Variants in TAB2 observed in about 807,000 individuals in gnomAD.
TAB2 encodes TGF-beta-activated kinase 1 and MAP3K7-binding protein 2.
In TAB2, 3 loss-of-function variants were observed where a neutral mutation model predicts 65.0. That is an observed-to-expected ratio of 0.05 (90% CI 0.02 to 0.12). TAB2 has a LOEUF of 0.12. Ranked by LOEUF, TAB2 falls within the 10% of genes least tolerant of loss-of-function variation. TAB2 has a pLI of 1.00. For synonymous variants in TAB2, 298 were observed against 285.1 expected (o/e 1.05, Z -0.46); for missense variants, 623 against 840.3 (o/e 0.74, Z 3.20).
At chr6:149,368,386 G>A (rs1781107042) in intron 1 of TAB2, among the ~76,000 whole-genome samples, 1 of 152,022 alleles carries the variant, frequency 6.6e-6, no homozygotes, top group African/African-American at 2.4e-5. Context: ...CCTGAGTGGG[G>A]TAGGTTAAAA....
At chr6:149,341,478 T>C (rs533077968) in intron 1 of TAB2, among the ~76,000 whole-genome samples, 1 of 152,322 alleles carries the variant, frequency 6.6e-6, no homozygotes, top group South Asian at 2.1e-4. Flanking sequence ...ATTGAATGCC[T>C]ATATGTGCCA....
chr6:149,282,656 G>A (rs1778594950), intron 1 of TAB2, among the ~76,000 whole-genome samples: 2 of 152,220 alleles, frequency 1.3e-5, no homozygotes, highest in South Asian at 4.1e-4. Context: ...AATAATTAAA[G>A]GAAGAGATGT....
chr6:149,248,428 A>AAGGAAGGAAGGAAGGAAGG lies in TAB2; in HGVS notation c.-121+29653_-121+29654insGGAAGGAAGGAAGGAAGGA, dbSNP rs59251653. ...GACAGAGAGGGAAAGAAAAAGAAAG[A>AAGGAAGGAAGGAAGGAAGG]AAGGAAGGAAGGAAGGAAGGAAGAA... On this transcript the variant is annotated intron_variant, in intron 1 of 1. Transcript: ENST00000606202. Among the ~76,000 whole-genome samples, 714 of 117,278 alleles carry AAGGAAGGAAGGAAGGAAGG rather than the reference A, an allele frequency of 6.1e-3. 6 individuals are homozygous for AAGGAAGGAAGGAAGGAAGG. The highest frequency in any genetic ancestry group is 6.8e-3 in the Non-Finnish European group (410 of 60,236). 76.9% of individuals were successfully genotyped at this position (117,278 alleles called of 152,430 possible).
At chr6:149,317,542 G>T (rs1366436760), upstream of TAB2, 9 of 155,722 alleles carry the variant, frequency 5.8e-5, no homozygotes, top group Non-Finnish European at 1.4e-5. The surrounding 1 kb of genome is among the most constrained non-coding windows in gnomAD (Gnocchi z 4.7). Context: ...CCGCCATATT[G>T]TGTGACAGTA....
Position 149,369,905 on chromosome 6 carries a change from A to G in TAB2, c.-89-4A>G, listed in dbSNP as rs1400105092. On this transcript the variant is annotated splice_region_variant and splice_polypyrimidine_tract_variant and intron_variant, in intron 1 of 6. Coordinates refer to ENST00000637181, the MANE Select transcript of TAB2 (RefSeq NM_001292034.3). Reference sequence around the variant, plus strand: ...CATTAAAATTTTTTTTCTTTCTTTCACAGAAAATGCTTGGACAGAAGAGAT... The same window carrying G: ...CATTAAAATTTTTTTTCTTTCTTTCGCAGAAAATGCTTGGACAGAAGAGAT... 1 of 1,146,774 alleles carries G rather than the reference A, an allele frequency of 8.7e-7. No homozygotes were observed. The highest frequency in any genetic ancestry group is 1.3e-6 in the Non-Finnish European group (1 of 766,222). 71.0% of individuals were successfully genotyped at this position (1,146,774 alleles called of 1,614,324 possible). A position where few individuals can be genotyped will look rare whatever the true frequency, so the allele number is the denominator to read the frequency against.
chr6:149,314,275 A>T (rs1224647137), upstream of TAB2, among the ~76,000 whole-genome samples: 2 of 152,212 alleles, frequency 1.3e-5, no homozygotes, highest in East Asian at 3.9e-4. Context: ...CTGCTAGATT[A>T]TCCTTCCTAA....
At chr6:149,279,552 T>C (rs1188923959) in intron 1 of TAB2, among the ~76,000 whole-genome samples, 1 of 152,072 alleles carries the variant, frequency 6.6e-6, no homozygotes, top group Non-Finnish European at 1.5e-5. Flanking sequence ...TTGGAGGAGG[T>C]GCTCCCGGCA....
intron 1 of TAB2, among the ~76,000 whole-genome samples, chr6:149,273,802 C>T (rs910192940): frequency 7.2e-5 from 11 of 152,178 alleles, no homozygotes; most frequent in African/African-American, 2.2e-4. Flanking sequence ...ACACACCTTC[C>T]GTGTTCAATG....
upstream of TAB2, among the ~76,000 whole-genome samples, chr6:149,316,121 T>C (rs1406043409): frequency 6.7e-6 from 1 of 149,210 alleles, no homozygotes; most frequent in African/African-American, 2.6e-5. Flanking sequence ...CTGTAAAGCG[T>C]TAAAGTTAAT....
intron 1 of TAB2, among the ~76,000 whole-genome samples, chr6:149,325,598 A>T (rs189427934): frequency 1.3e-3 from 195 of 152,316 alleles, no homozygotes; most frequent in Non-Finnish European, 2.2e-3. Flanking sequence ...TTAGTCCACA[A>T]ATCTATAATA....
Position 149,219,698 on chromosome 6 carries a change from G to A in TAB2, c.-121+922G>A, listed in dbSNP as rs73602087. ...CCGCTGCACCTTATGCATTGATGTG[G>A]TATCCTAGAAACAGTTTACTCTTGT... On this transcript the variant is annotated intron_variant, in intron 1 of 1. Coordinates refer to the TAB2 transcript ENST00000606202. 9.4e-3 allele frequency among the ~76,000 whole-genome samples: 1,432 copies of A among 152,206 alleles called. 27 individuals carry two copies. The highest frequency in any genetic ancestry group is 0.033 in the African/African-American group (1,380 of 41,516).
At chr6:149,299,545 C>A (rs1416889381) in intron 1 of TAB2, among the ~76,000 whole-genome samples, 1 of 152,138 alleles carries the variant, frequency 6.6e-6, no homozygotes, top group African/African-American at 2.4e-5. Context: ...GCACTCCAGC[C>A]TGAGTGACAG....
At chr6:149,310,160 C>T (rs2114711318) in intron 1 of TAB2, among the ~76,000 whole-genome samples, 1 of 152,004 alleles carries the variant, frequency 6.6e-6, no homozygotes, top group African/African-American at 2.4e-5. Context: ...ATGGTGAAAC[C>T]CCATCTCTAC....
intron 1 of TAB2, among the ~76,000 whole-genome samples, chr6:149,350,895 T>A (rs1394728326): frequency 2.0e-5 from 3 of 152,192 alleles, no homozygotes; most frequent in Admixed American, 6.5e-5. Context: ...TTATTAGCAT[T>A]AGCGTATCTC....
rs1378931054 is a variant in TAB2 at position 149,409,835 on chromosome 6, A to T, written c.*116A>T. On this transcript the variant is annotated 3_prime_UTR_variant, in exon 7 of 7. Coordinates refer to ENST00000637181, the MANE Select transcript of TAB2 (RefSeq NM_001292034.3). Reference sequence around the variant, plus strand: ...TTTGTCAAATTGAAGGTGTGACAAGATGGTGTTCTGCTAATGTTAAATGTC... The same window carrying T: ...TTTGTCAAATTGAAGGTGTGACAAGTTGGTGTTCTGCTAATGTTAAATGTC... 6 of 1,182,290 alleles carry T rather than the reference A, an allele frequency of 5.1e-6. No homozygotes were observed. The highest frequency in any genetic ancestry group is 3.5e-5 in the Admixed American group (2 of 57,298). The allele number at this position is 1,182,290 out of a possible 1,614,324, so 73.2% of individuals were successfully genotyped here.
chr6:149,233,887 A>G (rs747222483), intron 1 of TAB2, among the ~76,000 whole-genome samples: 1 of 152,184 alleles, frequency 6.6e-6, no homozygotes, highest in African/African-American at 2.4e-5. Flanking sequence ...TTTTACCACC[A>G]TGAAGCCCTC....
In TAB2 at chr6:149,392,954, A is replaced by G. The variant is rs1302271110; in HGVS notation, c.1604-4650A>G. 5.3e-5 allele frequency among the ~76,000 whole-genome samples: 8 copies of G among 152,336 alleles called. No individual in the cohort carries two copies. The East Asian group carries it at 1.5e-3, about 29-fold the overall frequency. On this transcript the variant is annotated intron_variant, in intron 3 of 6. Coordinates refer to ENST00000637181, the MANE Select transcript of TAB2 (RefSeq NM_001292034.3). The stretch of plus-strand genomic sequence containing the variant: ...ACTTGCAGACAAAACTCACAGCTAG[A>G]GAAGAGTTTCGACTTTAGCTGAATT...
intron 1 of TAB2, among the ~76,000 whole-genome samples, chr6:149,255,864 C>G (rs1186548527): frequency 6.6e-6 from 1 of 152,186 alleles, no homozygotes; most frequent in African/African-American, 2.4e-5. Flanking sequence ...AAAGAAGAAC[C>G]AGGCAGTCGT....
chr6:149,277,354 T>A (rs752165324), intron 1 of TAB2, among the ~76,000 whole-genome samples: 19 of 151,996 alleles, frequency 1.3e-4, no homozygotes, highest in Non-Finnish European at 1.8e-4. Context: ...CTATTTTTTT[T>A]AAAAAAAGAA....
Sources: gnomAD v4.1 joint callset for allele counts (sites outside exome capture counted in the v4.1 genomes callset) on GRCh38, gnomAD v4.1.1 for gene constraint, Gnocchi (gnomAD v3.1) non-coding constraint, MANE v1.5 for transcripts, NCBI Gene and HGNC (gene_info 2026-07-23, HGNC 2026-07-21) for gene names.